ST6GALNAC3: variants seen among roughly 807,000 people sequenced by gnomAD.
ST6GALNAC3 encodes ST6 N-acetylgalactosaminide alpha-2,6-sialyltransferase 3.
In ST6GALNAC3, 25 loss-of-function variants were observed where a neutral mutation model predicts 32.7. That is an observed-to-expected ratio of 0.76 (90% CI 0.56 to 1.07). ST6GALNAC3 has a LOEUF of 1.07. Among genes scored for constraint, ST6GALNAC3 ranks in the 50% least tolerant of loss-of-function variants. The probability of loss-of-function intolerance (pLI) is 0.00; values close to 1 mark genes in which losing one functional copy is unlikely to be tolerated. For missense variants in ST6GALNAC3, 355 were observed against 382.4 expected, an observed-to-expected ratio of 0.93 and a Z score of 0.60; for synonymous variants, 129 against 133.1, an observed-to-expected ratio of 0.97 and a Z score of 0.21.
chr1:76,243,331 T>C (rs1657074650), intron 1 of ST6GALNAC3, among the ~76,000 whole-genome samples: 1 of 152,188 alleles, frequency 6.6e-6, no homozygotes, highest in African/African-American at 2.4e-5. Flanking sequence ...TTGTTTAAGT[T>C]CCTTGTAGAT....
intron 1 of ST6GALNAC3, among the ~76,000 whole-genome samples, chr1:76,199,940 A>G (rs536804148): frequency 3.3e-5 from 5 of 152,348 alleles, no homozygotes; most frequent in African/African-American, 1.2e-4. Context: ...ATTTACAGCC[A>G]TCCCAAATGA....
intron 3 of ST6GALNAC3, 132 bp downstream of exon 3, chr1:76,412,549 A>T: frequency 3.0e-6 from 3 of 1,010,612 alleles, no homozygotes; most frequent in South Asian, 3.6e-5. Context: ...GACTATTATG[A>T]TTACTTGATA....
chr1:76,377,447 C>T (rs947740505), intron 2 of ST6GALNAC3, among the ~76,000 whole-genome samples: 28 of 118,270 alleles, frequency 2.4e-4, no homozygotes, highest in African/African-American at 9.1e-4. Flanking sequence ...GAAGCAAGCA[C>T]ATCTTCACAG....
At chr1:76,608,703 G>A (rs149021290) in intron 3 of ST6GALNAC3, among the ~76,000 whole-genome samples, 378 of 151,120 alleles carry the variant, frequency 2.5e-3, no homozygotes, top group Middle Eastern at 0.014. Context: ...GTTTAAAAGA[G>A]CAATTTTTAT....
chr1:76,385,798 A>C (rs1173533484), intron 2 of ST6GALNAC3, among the ~76,000 whole-genome samples: 1 of 152,058 alleles, frequency 6.6e-6, no homozygotes, highest in African/African-American at 2.4e-5. Context: ...ATTGATGACA[A>C]GTTTGGCTTA....
Position 76,428,019 on chromosome 1 carries a change from C to A in ST6GALNAC3, c.623+15602C>A, listed in dbSNP as rs572411968. On this transcript the variant is annotated intron_variant, in intron 3 of 4. Transcript: ENST00000328299. ...TCTGTTTATTCTCAGAGTTAGTGGA[C>A]AAAAGCAAATATTCTATTAGATGTT... 9.2e-5 allele frequency among the ~76,000 whole-genome samples: 14 copies of A among 152,208 alleles called. 1 individual carries two copies. Among genetic ancestry groups the A allele is most frequent in the African/African-American group, 3.4e-4 (14 of 41,546 alleles).
intron 3 of ST6GALNAC3, among the ~76,000 whole-genome samples, chr1:76,432,079 A>G (rs747311192): frequency 1.3e-5 from 2 of 152,172 alleles, no homozygotes; most frequent in Non-Finnish European, 2.9e-5. Flanking sequence ...TTGGAATCAT[A>G]CAGTATGAAT....
chr1:76,486,459 A>T (rs1660122150), intron 3 of ST6GALNAC3, among the ~76,000 whole-genome samples: 1 of 152,132 alleles, frequency 6.6e-6, no homozygotes, highest in Admixed American at 6.5e-5. Flanking sequence ...TGTTGAATTG[A>T]TCCCTTTACC....
At chr1:76,483,933 T>TAAATACAGCTAGCCAGCTTTCC (rs1553125509) in intron 3 of ST6GALNAC3, among the ~76,000 whole-genome samples, 2 of 152,052 alleles carry the variant, frequency 1.3e-5, no homozygotes, top group Non-Finnish European at 2.9e-5. Flanking sequence ...TTCAGCTTTC[T>TAAATACAGCTAGCCAGCTTTCC]ACATACGGCT....
chr1:76,382,846 G>C (rs1222452291), intron 2 of ST6GALNAC3, among the ~76,000 whole-genome samples: 1 of 152,150 alleles, frequency 6.6e-6, no homozygotes, highest in Non-Finnish European at 1.5e-5. Context: ...AGTAACATTT[G>C]AATCTCTATT....
At chr1:76,245,901 G>T (rs912990108) in intron 1 of ST6GALNAC3, among the ~76,000 whole-genome samples, 1 of 152,192 alleles carries the variant, frequency 6.6e-6, no homozygotes, top group Non-Finnish European at 1.5e-5. Flanking sequence ...GGAGTGGAGA[G>T]TTCTATAGTT....
chr1:76,102,957 T>C (rs572648119), intron 1 of ST6GALNAC3, among the ~76,000 whole-genome samples: 1 of 152,116 alleles, frequency 6.6e-6, no homozygotes, highest in African/African-American at 2.4e-5. Context: ...CTTAGGGATA[T>C]TTCCTCTGGG....
intron 3 of ST6GALNAC3, among the ~76,000 whole-genome samples, chr1:76,512,175 T>C (rs1012827993): frequency 6.6e-6 from 1 of 152,176 alleles, no homozygotes; most frequent in African/African-American, 2.4e-5. Context: ...TACTTGAATA[T>C]TTTGATTTTT....
intron 2 of ST6GALNAC3, among the ~76,000 whole-genome samples, chr1:76,320,203 G>A (rs1646940069): frequency 6.6e-6 from 1 of 152,086 alleles, no homozygotes; most frequent in South Asian, 2.1e-4. Context: ...AAAAGCAAAG[G>A]TTCAGAATAT....
chr1:76,175,290 C>G lies in ST6GALNAC3; in HGVS notation c.18+100406C>G, dbSNP rs139522657. ...TGCCTCCAGGAGTTTTTTGGGAGTA[C>G]TTGTTTTTTCCTACCCTCTCCCACC... On this transcript the variant is annotated intron_variant, in intron 1 of 4. Transcript: ENST00000328299. Among the ~76,000 whole-genome samples the G allele has an allele frequency of 2.6e-5, 4 of 152,202 alleles. No individual in the cohort carries two copies. In the East Asian group the frequency reaches 7.7e-4, roughly 29 times the overall value.
At chr1:76,308,328 C>T (rs2100874589) in intron 1 of ST6GALNAC3, among the ~76,000 whole-genome samples, 1 of 152,250 alleles carries the variant, frequency 6.6e-6, no homozygotes, top group East Asian at 1.9e-4. Flanking sequence ...CTGTGTTCTG[C>T]ATTTTCCACT....
intron 1 of ST6GALNAC3, among the ~76,000 whole-genome samples, chr1:76,145,392 C>T (rs539440803): frequency 8.5e-5 from 13 of 152,236 alleles, no homozygotes; most frequent in Middle Eastern, 3.4e-3. Flanking sequence ...AAGTGTGGGA[C>T]GTGTACTAGC....
rs563507085 is a variant in ST6GALNAC3, at chr1:76,401,177, T to A, written c.214-10831T>A. 2.0e-4 allele frequency among the ~76,000 whole-genome samples: 30 copies of A among 152,264 alleles called. 1 individual carries two copies. The South Asian group carries it at 6.2e-3, about 32-fold the overall frequency. ...GAGATTTCAAATAAATGTATACTAG[T>A]CCTTCTCATTGTATTCTGAGTCTCT... On this transcript the variant is annotated intron_variant, in intron 2 of 4. Transcript: ENST00000328299.
At chr1:76,144,067 G>A (rs1650517573) in intron 1 of ST6GALNAC3, among the ~76,000 whole-genome samples, 1 of 152,206 alleles carries the variant, frequency 6.6e-6, no homozygotes. Context: ...GTAGCATGTG[G>A]AAATGCTCAG....
Sources: allele counts gnomAD v4.1 joint callset (sites outside exome capture counted in the v4.1 genomes callset), GRCh38; gene constraint gnomAD v4.1.1; transcripts MANE v1.5; gene names NCBI Gene and HGNC (gene_info 2026-07-23, HGNC 2026-07-21).